MCF2L: variants seen among roughly 807,000 people sequenced by gnomAD.
MCF2L encodes the protein MCF.2 cell line derived transforming sequence like.
A neutral mutation model predicts 153.4 loss-of-function variants in MCF2L; 97 were observed. That is an observed-to-expected ratio of 0.63 (90% CI 0.54 to 0.75). The LOEUF (loss-of-function observed/expected upper bound fraction) is 0.75, where lower values mean the gene tolerates loss of function less well. Ranked by LOEUF, MCF2L falls within the 30% of genes least tolerant of loss-of-function variation. The probability of loss-of-function intolerance (pLI) is 0.00; values close to 1 mark genes in which losing one functional copy is unlikely to be tolerated. For missense variants in MCF2L, 1,347 were observed against 1,495.2 expected, an observed-to-expected ratio of 0.90 and a Z score of 1.64; for synonymous variants, 659 against 632.2, an observed-to-expected ratio of 1.04 and a Z score of -0.64.
rs751251099 is a variant in MCF2L at position 113,074,601 on chromosome 13, G to T, written c.1116+38G>T. 6.2e-7 allele frequency: 1 copy of T among 1,607,022 alleles called. No individual in the cohort carries two copies. The highest frequency in any genetic ancestry group is 8.5e-7 in the Non-Finnish European group (1 of 1,175,102). Reference sequence around the variant, plus strand: ...CCCGGCGGGGGCGGCGGGAGAGTGTGGGCAGCATCATCAAGTGCTGCTCAG... The same window carrying T: ...CCCGGCGGGGGCGGCGGGAGAGTGTTGGCAGCATCATCAAGTGCTGCTCAG... On this transcript the variant is annotated intron_variant, in intron 10 of 29. Coordinates refer to ENST00000535094, the MANE Select transcript of MCF2L (RefSeq NM_001112732.3). The surrounding 1 kb of genome is among the most constrained non-coding windows in gnomAD (Gnocchi z 4.2).
chr13:112,972,048 G>A (rs2082054379), intron 1 of MCF2L, among the ~76,000 whole-genome samples: 2 of 152,348 alleles, frequency 1.3e-5, no homozygotes, highest in South Asian at 4.1e-4. Context: ...GGTAGGGTCT[G>A]ATAATTGACA....
At chr13:112,955,088 C>T (rs923272177) in intron 2 of MCF2L, among the ~76,000 whole-genome samples, 19 of 152,282 alleles carry the variant, frequency 1.2e-4, no homozygotes, top group African/African-American at 3.6e-4. Context: ...TGGTCCCAGG[C>T]GTAGCCTCTC....
At chr13:113,090,006 C>A (rs776501318) in intron 26 of MCF2L, 47 of 1,599,738 alleles carry the variant, frequency 2.9e-5, no homozygotes, top group Admixed American at 1.9e-4. Context: ...CTGCGACAGC[C>A]GGACCCGCCT....
chr13:113,065,975 C>G lies in MCF2L; in HGVS notation c.757-71C>G. ...CCGCCCCCTCAAGAGCAAGGCCCCA[C>G]GAGGCCTCACCACCAGCCTGCGCTG... On this transcript the variant is annotated intron_variant, in intron 7 of 29. Coordinates refer to ENST00000535094, the MANE Select transcript of MCF2L (RefSeq NM_001112732.3). The G allele has an allele frequency of 2.0e-6, 3 of 1,516,758 alleles. No individual in the cohort carries two copies. The East Asian group carries it at 7.2e-5, about 36-fold the overall frequency. 94.0% of individuals were successfully genotyped at this position (1,516,758 alleles called of 1,614,324 possible). A position where few individuals can be genotyped will look rare whatever the true frequency, so the allele number is the denominator to read the frequency against.
chr13:113,082,297 A>AC (rs2034218679), intron 16 of MCF2L, 130 bp from the exon 17 acceptor site: 1 of 638,596 alleles, frequency 1.6e-6, no homozygotes. Flanking sequence ...TGTCCCGGTA[A>AC]CTTAGAAATC....
At chr13:112,933,883 G>A (rs1435118800) in intron 2 of MCF2L, among the ~76,000 whole-genome samples, 1 of 152,240 alleles carries the variant, frequency 6.6e-6, no homozygotes, top group African/African-American at 2.4e-5. Flanking sequence ...AGGCCGCTCA[G>A]CTGGCATGGC....
At chr13:113,072,012 G>T (rs987386093) in intron 9 of MCF2L, among the ~76,000 whole-genome samples, 3 of 152,122 alleles carry the variant, frequency 2.0e-5, no homozygotes, top group Non-Finnish European at 4.4e-5. Context: ...CCCAACATTT[G>T]ATTTCTTTCA....
In MCF2L at chr13:112,904,082, C is replaced by T. The variant is rs2081146863; in HGVS notation, c.169+1711C>T. 6.6e-6 allele frequency among the ~76,000 whole-genome samples: 1 copy of T among 152,112 alleles called. No homozygotes were observed. The highest frequency in any genetic ancestry group is 2.4e-5 in the African/African-American group (1 of 41,418). ...TCGGACTGGTGCCTTTCCCTGAGCG[C>T]CCAAGTCTCGCGTGGACCAGCTCTG... On this transcript the variant is annotated intron_variant, in intron 2 of 29. Transcript: ENST00000375608. The surrounding 1 kb of genome is among the most constrained non-coding windows in gnomAD (Gnocchi z 4.2).
chr13:113,000,377 G>T (rs2083313842), intron 1 of MCF2L, among the ~76,000 whole-genome samples: 1 of 152,172 alleles, frequency 6.6e-6, no homozygotes, highest in Non-Finnish European at 1.5e-5. Context: ...GCTTGCAGAA[G>T]CGACATTCCT....
rs2033319732 is a variant in MCF2L at position 113,075,078 on chromosome 13, C to T, written c.1197C>T (p.Ile399=). 1 of 1,613,886 alleles carries T rather than the reference C, an allele frequency of 6.2e-7. No individual in the cohort carries two copies. The highest frequency in any genetic ancestry group is 8.5e-7 in the Non-Finnish European group (1 of 1,180,012). Reference sequence around the variant, plus strand: ...ACAAGCACTACGCGGTAGACTCCATCCGCCCAAAGTGCCAGGAGCTCCGGC... The same window carrying T: ...ACAAGCACTACGCGGTAGACTCCATTCGCCCAAAGTGCCAGGAGCTCCGGC... ...IGNKHYAVDS[I]RPKCQELRHL... The change falls in exon 11 of 30, where the codon ATC becomes ATT. Residue 399 remains isoleucine (I), a synonymous_variant. Coordinates refer to ENST00000535094, the MANE Select transcript of MCF2L (RefSeq NM_001112732.3).
chr13:113,079,095 TGCA>T (rs1347486211), intron 15 of MCF2L, among the ~76,000 whole-genome samples: 3 of 152,286 alleles, frequency 2.0e-5, no homozygotes, highest in Admixed American at 1.3e-4. Context: ...CAGCACCAGC[TGCA>T]GCAGCAGTCA....
intron 1 of MCF2L, among the ~76,000 whole-genome samples, chr13:113,006,915 C>G (rs953889998): frequency 6.6e-6 from 1 of 152,132 alleles, no homozygotes; most frequent in Non-Finnish European, 1.5e-5. Flanking sequence ...TACTGTGTAG[C>G]GGGTAGGGCT....
chr13:113,090,832 C>T, intron 26 of MCF2L: 1 of 1,095,962 alleles, frequency 9.1e-7, no homozygotes, highest in South Asian at 2.3e-5. Flanking sequence ...GATTCTGGTG[C>T]TGCAAACTCT....
At chr13:112,920,670 G>T (rs1221494718) in intron 2 of MCF2L, among the ~76,000 whole-genome samples, 2 of 150,804 alleles carry the variant, frequency 1.3e-5, no homozygotes, top group Admixed American at 1.3e-4. Flanking sequence ...GGTGCCAGGG[G>T]GAGGGCTTGC....
chr13:113,085,513 G>A (rs2034546791), intron 20 of MCF2L, among the ~76,000 whole-genome samples: 1 of 152,210 alleles, frequency 6.6e-6, no homozygotes. Context: ...GGCCTAGACT[G>A]GGGATTCCAG....
chr13:112,968,142 TG>T (rs757286592), upstream of MCF2L, among the ~76,000 whole-genome samples: 666 of 59,468 alleles, frequency 0.011, 53 homozygotes, highest in East Asian at 0.032. Context: ...GGGAGTGAGG[TG>T]GGGGGGGGGG....
In MCF2L at chr13:113,018,837, C is replaced by T. The variant is rs1284523810; in HGVS notation, c.163+3991C>T. Among the ~76,000 whole-genome samples the T allele has an allele frequency of 3.3e-5, 5 of 152,214 alleles. No homozygotes were observed. The South Asian group carries it at 6.2e-4, about 19-fold the overall frequency. ...TGTGCGTCTCACTCCCTGCAATGGACGGCGGCCCCCCTCCCACTGCCCAGG... is the reference window on the plus strand; with the variant it reads ...TGTGCGTCTCACTCCCTGCAATGGATGGCGGCCCCCCTCCCACTGCCCAGG... On this transcript the variant is annotated intron_variant, in intron 2 of 29. Coordinates refer to ENST00000535094, the MANE Select transcript of MCF2L (RefSeq NM_001112732.3).
At chr13:112,944,933 G>A (rs1594365625) in intron 2 of MCF2L, among the ~76,000 whole-genome samples, 1 of 152,062 alleles carries the variant, frequency 6.6e-6, no homozygotes, top group South Asian at 2.1e-4. Context: ...CCTAATGGAA[G>A]CTTTGAAATC....
chr13:112,907,178 T>C lies in MCF2L; in HGVS notation c.169+4807T>C, dbSNP rs114227194. ...CTCCACCTGGGGGCACGCGGGAGGGTTGGGAAGCACTTCGGGAAGGACCAA... is the reference window on the plus strand; with the variant it reads ...CTCCACCTGGGGGCACGCGGGAGGGCTGGGAAGCACTTCGGGAAGGACCAA... On this transcript the variant is annotated intron_variant, in intron 2 of 29. Coordinates refer to the MCF2L transcript ENST00000375608. The surrounding 1 kb of genome is among the most constrained non-coding windows in gnomAD (Gnocchi z 5.1). Among the ~76,000 whole-genome samples, 2,238 of 151,926 alleles carry C rather than the reference T, an allele frequency of 0.015. 62 individuals carry two copies. The highest frequency in any genetic ancestry group is 0.052 in the African/African-American group (2,144 of 41,410).
Sources: gnomAD v4.1 joint callset for allele counts (sites outside exome capture counted in the v4.1 genomes callset) on GRCh38, gnomAD v4.1.1 for gene constraint, Gnocchi (gnomAD v3.1) non-coding constraint, MANE v1.5 for transcripts, NCBI Gene and HGNC (gene_info 2026-07-23, HGNC 2026-07-21) for gene names.